RASGRP1: variants seen among roughly 807,000 people sequenced by gnomAD.
RASGRP1 encodes the protein RAS guanyl-releasing protein 1.
RASGRP1 carries 37 observed loss-of-function variants against 95.1 expected under a neutral mutation model. That is an observed-to-expected ratio of 0.39 (90% CI 0.30 to 0.51). The LOEUF (loss-of-function observed/expected upper bound fraction) is 0.51, where lower values mean the gene tolerates loss of function less well. RASGRP1 is among the 20% of genes least tolerant of loss of function. The pLI, the probability that RASGRP1 is intolerant of heterozygous loss-of-function variation, is 0.80. For missense variants in RASGRP1, 711 were observed against 965.4 expected (o/e 0.74, Z 3.49); for synonymous variants, 325 against 353.4 (o/e 0.92, Z 0.90).
rs1007311217 is a variant in RASGRP1 at position 38,564,695 on chromosome 15, A to G, written c.-67T>C. ...CCGGGCGCGGCGCATCGCCCCCGCCACCACCGCCGCCGCCTGCCGGCTCTC... is the reference window on the plus strand; with the variant it reads ...CCGGGCGCGGCGCATCGCCCCCGCCGCCACCGCCGCCGCCTGCCGGCTCTC... On this transcript the variant is annotated 5_prime_UTR_variant, in exon 1 of 17. Transcript: ENST00000310803. 15 of 1,176,654 alleles carry G rather than the reference A, an allele frequency of 1.3e-5. No individual in the cohort carries two copies. Among genetic ancestry groups the G allele is most frequent in the Admixed American group, 4.6e-5 (1 of 21,946 alleles). 72.9% of individuals were successfully genotyped at this position (1,176,654 alleles called of 1,614,324 possible).
Position 38,522,181 on chromosome 15 carries a change from AGAC to A in RASGRP1, c.327-2813_327-2811del, listed in dbSNP as rs762688075. ...CTTGAAAGACAGAGTCTAGCGGGGG[AGAC>A]GACACACAAATAGGTAAGTTACAGT... On this transcript the variant is annotated intron_variant, in intron 3 of 16. Transcript: ENST00000310803. Among the ~76,000 whole-genome samples, 4 of 152,210 alleles carry A rather than the reference AGAC, an allele frequency of 2.6e-5. No individual in the cohort carries two copies. The South Asian group carries it at 8.3e-4, about 32-fold the overall frequency.
chr15:38,495,377 G>A (rs963490464), intron 15 of RASGRP1, among the ~76,000 whole-genome samples: 1 of 152,168 alleles, frequency 6.6e-6, no homozygotes, highest in African/African-American at 2.4e-5. Context: ...GCCTAGTAAT[G>A]TTAGCCATAA....
At chr15:38,494,224 C>G in intron 16 of RASGRP1, 158 bp downstream of exon 16, 1 of 961,798 alleles carries the variant, frequency 1.0e-6, no homozygotes, top group Non-Finnish European at 1.6e-6. Flanking sequence ...TCCCTCTCTT[C>G]CTCCCTGTTT....
At chr15:38,534,685 C>T (rs1317353089) in intron 2 of RASGRP1, 1 of 152,288 alleles carries the variant, frequency 6.6e-6, no homozygotes, top group Non-Finnish European at 1.5e-5. Context: ...GGTGCCACAA[C>T]CAAGGCCACA....
chr15:38,531,198 C>T (rs1892421615), intron 2 of RASGRP1, among the ~76,000 whole-genome samples: 1 of 152,194 alleles, frequency 6.6e-6, no homozygotes, highest in South Asian at 2.1e-4. Context: ...GAAATCAAAG[C>T]ATAGAGAGAT....
chr15:38,547,447 T>C (rs1190233869), intron 2 of RASGRP1, among the ~76,000 whole-genome samples: 4 of 152,138 alleles, frequency 2.6e-5, no homozygotes, highest in South Asian at 2.1e-4. Flanking sequence ...TCAGATAAGA[T>C]AGGTCTGAAA....
chr15:38,540,724 G>T (rs1892829081), intron 2 of RASGRP1, among the ~76,000 whole-genome samples: 1 of 152,182 alleles, frequency 6.6e-6, no homozygotes, highest in African/African-American at 2.4e-5. Flanking sequence ...GAGATGCCCA[G>T]ATATCTTTAA....
Position 38,490,450 on chromosome 15 carries a change from C to T in RASGRP1, c.*104G>A. The T allele has an allele frequency of 8.7e-7, 1 of 1,153,108 alleles. No homozygotes were observed. The highest frequency in any genetic ancestry group is 3.3e-5 in the Admixed American group (1 of 30,602). 71.4% of individuals were successfully genotyped at this position (1,153,108 alleles called of 1,614,324 possible). On this transcript the variant is annotated 3_prime_UTR_variant, in exon 17 of 17. Coordinates refer to ENST00000310803, the MANE Select transcript of RASGRP1 (RefSeq NM_005739.4). ...GTAACAGGCTTTTCCTTTTAAAGTA[C>T]TGTTTTAAAGCTGGTCAGTGTAAAG...
intron 1 of RASGRP1, 108 bp from the exon 2 acceptor site, chr15:38,560,113 G>T: frequency 9.6e-7 from 1 of 1,043,816 alleles, no homozygotes; most frequent in Non-Finnish European, 1.4e-6. Context: ...CAGGAGCTGG[G>T]CTGATAGAAG....
intron 13 of RASGRP1, among the ~76,000 whole-genome samples, chr15:38,500,546 A>G (rs538572400): frequency 2.9e-3 from 446 of 151,928 alleles, no homozygotes; most frequent in Middle Eastern, 6.8e-3. Context: ...GGTTTTCACC[A>G]TGTTAGGTGG....
At chr15:38,508,205 AAC>A (rs1490326979) in intron 8 of RASGRP1, among the ~76,000 whole-genome samples, 1 of 152,228 alleles carries the variant, frequency 6.6e-6, no homozygotes, top group Non-Finnish European at 1.5e-5. Flanking sequence ...TATATTTATA[AAC>A]ACAAGATATG....
At chr15:38,556,742 A>C (rs1893571281) in intron 2 of RASGRP1, among the ~76,000 whole-genome samples, 1 of 152,206 alleles carries the variant, frequency 6.6e-6, no homozygotes, top group South Asian at 2.1e-4. Flanking sequence ...GAAAATAGCC[A>C]CATGTGGCCA....
At chr15:38,510,827 G>A (rs1350615333) in intron 8 of RASGRP1, among the ~76,000 whole-genome samples, 2 of 152,158 alleles carry the variant, frequency 1.3e-5, no homozygotes, top group Non-Finnish European at 2.9e-5. Context: ...TGGGCATAAT[G>A]GTGTGCACCC....
intron 10 of RASGRP1, chr15:38,504,212 T>A (rs1891159486): frequency 6.6e-6 from 1 of 152,202 alleles, no homozygotes; most frequent in East Asian, 1.9e-4. Flanking sequence ...CATTACTGTA[T>A]ACTCCTATAT....
chr15:38,564,487 C>G, intron 1 of RASGRP1, 107 bp downstream of exon 1: 2 of 1,126,406 alleles, frequency 1.8e-6, no homozygotes, highest in Non-Finnish European at 2.3e-6. Flanking sequence ...CCGACCCCGG[C>G]CCCCCTCCGC....
chr15:38,505,492 G>A (rs552219093), intron 10 of RASGRP1, among the ~76,000 whole-genome samples: 1 of 152,160 alleles, frequency 6.6e-6, no homozygotes, highest in East Asian at 1.9e-4. Flanking sequence ...AATGCGGGGG[G>A]GATGTCACTC....
intron 3 of RASGRP1, among the ~76,000 whole-genome samples, chr15:38,525,681 G>A (rs571909660): frequency 2.3e-4 from 35 of 152,246 alleles, no homozygotes; most frequent in African/African-American, 7.9e-4. Context: ...GGTGCTAAAC[G>A]GTCTCACTCC....
intron 2 of RASGRP1, among the ~76,000 whole-genome samples, chr15:38,554,540 C>T (rs879637492): frequency 1.3e-5 from 2 of 152,156 alleles, no homozygotes; most frequent in Non-Finnish European, 2.9e-5. Context: ...AGCAGGAGAG[C>T]ACAGATATGA....
At chr15:38,555,030 G>A (rs1296320337) in intron 2 of RASGRP1, among the ~76,000 whole-genome samples, 1 of 152,180 alleles carries the variant, frequency 6.6e-6, no homozygotes, top group African/African-American at 2.4e-5. Context: ...TTGCCCTCTG[G>A]GCACCTTGCT....
Sources: gnomAD v4.1 joint callset for allele counts (sites outside exome capture counted in the v4.1 genomes callset) on GRCh38, gnomAD v4.1.1 for gene constraint, MANE v1.5 for transcripts, NCBI Gene and HGNC (gene_info 2026-07-23, HGNC 2026-07-21) for gene names.